BCR: variants seen among roughly 807,000 people sequenced by gnomAD.
BCR encodes the protein breakpoint cluster region protein.
In BCR, 58 loss-of-function variants were observed where a neutral mutation model predicts 138.6. That is an observed-to-expected ratio of 0.42 (90% CI 0.34 to 0.52). BCR has a LOEUF of 0.52. BCR is among the 20% of genes least tolerant of loss of function. The probability of loss-of-function intolerance (pLI) is 0.06; values close to 1 mark genes in which losing one functional copy is unlikely to be tolerated. For missense variants in BCR, 1,599 were observed against 1,727.2 expected, an observed-to-expected ratio of 0.93 and a Z score of 1.32; for synonymous variants, 786 against 730.1, an observed-to-expected ratio of 1.08 and a Z score of -1.23.
chr22:23,311,662 T>C, intron 18 of BCR, 35 bp from the exon 19 acceptor site: 5 of 1,532,056 alleles, frequency 3.3e-6, no homozygotes, highest in Non-Finnish European at 4.5e-6. Flanking sequence ...CAAGCAGGGC[T>C]GTTAGGACAC....
chr22:23,191,864 T>C (rs2072419435), intron 1 of BCR, among the ~76,000 whole-genome samples: 1 of 152,202 alleles, frequency 6.6e-6, no homozygotes, highest in Non-Finnish European at 1.5e-5. Flanking sequence ...CGATGAAACG[T>C]TGGCTTTGGA....
At chr22:23,211,661 T>C (rs1185279887) in intron 1 of BCR, among the ~76,000 whole-genome samples, 1 of 151,780 alleles carries the variant, frequency 6.6e-6, no homozygotes, top group Non-Finnish European at 1.5e-5. Context: ...GTTTTTTTTG[T>C]TTTGTTTTGT....
intron 1 of BCR, among the ~76,000 whole-genome samples, chr22:23,219,926 T>C (rs539454379): frequency 6.6e-6 from 1 of 152,348 alleles, no homozygotes; most frequent in South Asian, 2.1e-4. Flanking sequence ...TTGGTACTTG[T>C]GTGTGCACCG....
At chr22:23,212,070 G>T (rs929366669) in intron 1 of BCR, among the ~76,000 whole-genome samples, 47 of 152,314 alleles carry the variant, frequency 3.1e-4, no homozygotes, top group South Asian at 1.0e-3. Flanking sequence ...ATGGGAAACT[G>T]CACTCTCTGA....
chr22:23,281,458 G>A (rs925683417), intron 8 of BCR, among the ~76,000 whole-genome samples: 3 of 152,244 alleles, frequency 2.0e-5, no homozygotes, highest in African/African-American at 7.2e-5. Context: ...ACTCCAGGCC[G>A]GGGACCAGGC....
At chr22:23,288,906 C>T (rs2073749716) in intron 12 of BCR, among the ~76,000 whole-genome samples, 1 of 152,202 alleles carries the variant, frequency 6.6e-6, no homozygotes, top group Non-Finnish European at 1.5e-5. Context: ...TCTGGCCTGG[C>T]CTGACCTCCC....
chr22:23,314,397 C>T (rs1275792820), intron 21 of BCR, among the ~76,000 whole-genome samples, 155 bp from the exon 22 acceptor site: 3 of 152,348 alleles, frequency 2.0e-5, no homozygotes, highest in Non-Finnish European at 4.4e-5. Context: ...TTGTCCTGGG[C>T]CACTGAGACC....
chr22:23,221,680 TCCTC>T (rs1412043705), intron 1 of BCR, among the ~76,000 whole-genome samples: 5 of 152,180 alleles, frequency 3.3e-5, no homozygotes, highest in Admixed American at 6.5e-5. Context: ...TCAAGACAGA[TCCTC>T]AATCAATGGC....
chr22:23,206,021 G>A (rs1215134448), intron 1 of BCR, among the ~76,000 whole-genome samples: 7 of 152,186 alleles, frequency 4.6e-5, no homozygotes, highest in Non-Finnish European at 1.5e-5. Flanking sequence ...GAGGCAGGTA[G>A]GGTAGTCTTC....
chr22:23,288,282 G>A (rs1231754222), intron 12 of BCR, 110 bp downstream of exon 12: 10 of 1,144,994 alleles, frequency 8.7e-6, no homozygotes, highest in Non-Finnish European at 1.3e-5. Context: ...TTATCCAAGT[G>A]AAGTGTTGCA....
intron 8 of BCR, chr22:23,283,559 A>T (rs1264075919): frequency 6.0e-6 from 1 of 167,408 alleles, no homozygotes. Context: ...CTTCTTGCCA[A>T]TTCTGGATCT....
chr22:23,287,040 A>G (rs1323591058), intron 10 of BCR, 119 bp from the exon 11 acceptor site: 2 of 1,510,732 alleles, frequency 1.3e-6, no homozygotes, highest in African/African-American at 2.8e-5. Flanking sequence ...TGCTGAGTGG[A>G]GAGATGGGAT....
chr22:23,275,087 G>C (rs982270710), intron 8 of BCR, among the ~76,000 whole-genome samples: 1 of 152,170 alleles, frequency 6.6e-6, no homozygotes, highest in Non-Finnish European at 1.5e-5. Flanking sequence ...GCAGGCAGCT[G>C]TCAGCCCCAT....
chr22:23,289,590 C>G lies in BCR; in HGVS notation c.2676C>G (p.Val892=). The change falls in exon 13 of 23, where the codon GTC becomes GTG. Residue 892 remains valine (V), a synonymous_variant. Coordinates refer to ENST00000305877, the MANE Select transcript of BCR (RefSeq NM_004327.4). The part of the protein sequence containing the change: ...LTNSCVKLQT[V]HSIPLTINKE... Reference sequence around the variant, plus strand: ...ACTCGTGTGTGAAACTCCAGACTGTCCACAGCATTCCGCTGACCATCAATA... The same window carrying G: ...ACTCGTGTGTGAAACTCCAGACTGTGCACAGCATTCCGCTGACCATCAATA... The G allele has an allele frequency of 6.2e-7, 1 of 1,614,008 alleles. No individual in the cohort carries two copies. Among genetic ancestry groups the G allele is most frequent in the Non-Finnish European group, 8.5e-7 (1 of 1,179,996 alleles).
At chr22:23,248,904 G>A (rs1019202422) in intron 1 of BCR, among the ~76,000 whole-genome samples, 13 of 152,180 alleles carry the variant, frequency 8.5e-5, no homozygotes, top group Non-Finnish European at 1.6e-4. Flanking sequence ...TTCCTGGTAC[G>A]GGGGCAGGAG....
intron 1 of BCR, among the ~76,000 whole-genome samples, chr22:23,216,272 C>T (rs1225865146): frequency 6.6e-6 from 1 of 152,196 alleles, no homozygotes; most frequent in East Asian, 1.9e-4. Flanking sequence ...TTGAATTCTG[C>T]GCTTACATTG....
intron 3 of BCR, 26 bp downstream of exon 3, chr22:23,261,080 A>G: frequency 6.3e-7 from 1 of 1,599,386 alleles, no homozygotes; most frequent in African/African-American, 1.3e-5. Context: ...GGAGCTGAGC[A>G]GGGCGGGATG....
intron 1 of BCR, among the ~76,000 whole-genome samples, chr22:23,223,885 C>G (rs1196613090): frequency 6.6e-6 from 1 of 152,164 alleles, no homozygotes; most frequent in Non-Finnish European, 1.5e-5. Flanking sequence ...CTAAATGATT[C>G]CTGGCCAAAG....
chr22:23,261,280 G>GTC, intron 3 of BCR, 75 bp from the exon 4 acceptor site: 2 of 1,466,222 alleles, frequency 1.4e-6, no homozygotes, highest in Non-Finnish European at 1.9e-6. Flanking sequence ...AACCATGACT[G>GTC]TCTACTGCCA....
Sources: gnomAD v4.1 joint callset for allele counts (sites outside exome capture counted in the v4.1 genomes callset) on GRCh38, gnomAD v4.1.1 for gene constraint, MANE v1.5 for transcripts, NCBI Gene and HGNC (gene_info 2026-07-23, HGNC 2026-07-21) for gene names.